Variants in HOXA3 observed in about 807,000 individuals in gnomAD.
HOXA3 encodes the protein homeobox A3.
Under a neutral mutation model 30.3 loss-of-function variants are expected in HOXA3, and 8 were observed. The ratio of observed to expected loss-of-function variants is 0.26; its 90% CI spans 0.15 to 0.48. The LOEUF (loss-of-function observed/expected upper bound fraction) is 0.48, where lower values mean the gene tolerates loss of function less well. HOXA3 is among the 20% of genes least tolerant of loss of function. HOXA3 has a pLI of 0.99. For synonymous variants in HOXA3, 323 were observed against 273.1 expected (o/e 1.18, Z -1.80); for missense variants, 653 against 614.4 (o/e 1.06, Z -0.66).
rs1307976324 is a variant in HOXA3, at chr7:27,110,451, C to T, written c.190G>A (p.Ala64Thr). The change falls in exon 5 of 6, where the codon GCA becomes ACA. Residue 64 changes from alanine to threonine, a missense_variant. Around this residue, in one of 3 missense-constraint regions of HOXA3, gnomAD observed 320 missense variants for 321.9 expected, o/e 0.99. Coordinates refer to ENST00000612286, the MANE Select transcript of HOXA3 (RefSeq NM_153631.3). ...SPSSAGGHPK[A>T]HELSEACLRT... ...AGGCACGCCTCACTCAGTTCGTGTGCCTTGGGGTGGCCCCCGGCGCTGGAG... is the reference window on the plus strand; with the variant it reads ...AGGCACGCCTCACTCAGTTCGTGTGTCTTGGGGTGGCCCCCGGCGCTGGAG... The T allele has an allele frequency of 1.3e-6, 2 of 1,587,298 alleles. No homozygotes were observed. Among genetic ancestry groups the T allele is most frequent in the East Asian group, 2.3e-5 (1 of 43,938 alleles).
In HOXA3 at chr7:27,107,469, TTTGA is replaced by T. The variant is rs1784074278; in HGVS notation, c.*442_*445del. 6.5e-6 allele frequency: 1 copy of T among 153,286 alleles called. No individual in the cohort carries two copies. The highest frequency in any genetic ancestry group is 1.5e-5 in the Non-Finnish European group (1 of 68,902). 9.5% of individuals were successfully genotyped at this position (153,286 alleles called of 1,614,324 possible). On this transcript the variant is annotated 3_prime_UTR_variant, in exon 6 of 6. Coordinates refer to ENST00000612286, the MANE Select transcript of HOXA3 (RefSeq NM_153631.3). ...CAGAGAGCCCCTGTTTCAAAGCGCCTTTGATTTTTTTTCTCACTCTTTACAAGAA... is the reference window on the plus strand; with the variant it reads ...CAGAGAGCCCCTGTTTCAAAGCGCCTTTTTTTTTCTCACTCTTTACAAGAA...
chr7:27,147,336 AG>A, intron 1 of HOXA3: 1 of 1,613,886 alleles, frequency 6.2e-7, no homozygotes, highest in Middle Eastern at 1.7e-4. Context: ...GCTGCATCCA[AG>A]GGTAAACCGG....
At position 27,108,833 on chromosome 7, in the gene HOXA3, A is replaced by G; in HGVS notation, c.527-113T>C. The G allele has an allele frequency of 5.4e-6, 4 of 742,376 alleles. 1 individual carries two copies. The highest frequency in any genetic ancestry group is 3.6e-5 in the South Asian group (2 of 55,162). 46.0% of individuals were successfully genotyped at this position (742,376 alleles called of 1,614,324 possible). On this transcript the variant is annotated intron_variant, in intron 5 of 5. Coordinates refer to ENST00000612286, the MANE Select transcript of HOXA3 (RefSeq NM_153631.3). The surrounding 1 kb of genome is among the most constrained non-coding windows in gnomAD (Gnocchi z 5.0). ...GGCCCCAAAGGTTCCTGCATCCGTC[A>G]GGTCCCAGAGAGAAGTAGGAACTAG...
chr7:27,140,033 A>AGAGAGAGAGAGAGAGAGAGAG (rs1281735462), intron 2 of HOXA3, 50 bp downstream of exon 2: 49 of 118,858 alleles, frequency 4.1e-4, no homozygotes, highest in African/African-American at 9.4e-4. Flanking sequence ...GAGAGAGAGA[A>AGAGAGAGAGAGAGAGAGAGAG]AGTTTCCAAA....
Position 27,108,369 on chromosome 7 carries a change from G to T in HOXA3, c.878C>A (p.Ser293Ter). The T allele has an allele frequency of 3.2e-6, 5 of 1,562,564 alleles. No homozygotes were observed. Among genetic ancestry groups the T allele is most frequent in the South Asian group, 1.2e-5 (1 of 85,978 alleles). Residue 293 changes from serine (S) to a stop codon, truncating the protein, a stop_gained, in exon 6 of 6, where the codon TCG becomes TAG. Transcript: ENST00000612286. LOFTEE classifies it high-confidence loss of function. The surrounding 1 kb of genome is among the most constrained non-coding windows in gnomAD (Gnocchi z 5.0). ...GGGGGGCTTGGAGAAGGGCGGGGGCGACTGGGGCTCATACGGGACGCTGTT... is the reference window on the plus strand; with the variant it reads ...GGGGGGCTTGGAGAAGGGCGGGGGCTACTGGGGCTCATACGGGACGCTGTT... ...LVNSVPYEPQ[S>*]PPPFSKPPQG...
chr7:27,112,394 G>A (rs1184419662), intron 4 of HOXA3, among the ~76,000 whole-genome samples: 3 of 152,058 alleles, frequency 2.0e-5, no homozygotes, highest in Admixed American at 6.6e-5. Flanking sequence ...TGTTGATAAT[G>A]GACTCCTTTA....
chr7:27,145,283 GC>G, intron 1 of HOXA3: 1 of 238,532 alleles, frequency 4.2e-6, no homozygotes, highest in Non-Finnish European at 8.2e-6. Context: ...CTCCCCAGCA[GC>G]CCCGCGTCCC....
rs1168924275 is a variant in HOXA3 at position 27,152,278 on chromosome 7, C to T, written c.-494+10G>A. On this transcript the variant is annotated intron_variant, in intron 1 of 5. Transcript: ENST00000612286. The stretch of plus-strand genomic sequence containing the variant: ...CACCTTTGCTCCTATCTCCTCCCCA[C>T]ATGTCTCACCTTCAGACGGTGGCTC... 1 of 1,279,956 alleles carries T rather than the reference C, an allele frequency of 7.8e-7. No individual in the cohort carries two copies. Among genetic ancestry groups the T allele is most frequent in the African/African-American group, 1.5e-5 (1 of 65,290 alleles). 79.3% of individuals were successfully genotyped at this position (1,279,956 alleles called of 1,614,324 possible). A position where few individuals can be genotyped will look rare whatever the true frequency, so the allele number is the denominator to read the frequency against.
chr7:27,136,001 C>T (rs1385806418), intron 2 of HOXA3, among the ~76,000 whole-genome samples: 4 of 152,232 alleles, frequency 2.6e-5, no homozygotes, highest in Admixed American at 1.3e-4. Flanking sequence ...TAGGGTTCAC[C>T]TGGAGTCCAT....
intron 2 of HOXA3, among the ~76,000 whole-genome samples, chr7:27,136,624 C>T (rs1785722993): frequency 6.6e-6 from 1 of 152,190 alleles, no homozygotes; most frequent in African/African-American, 2.4e-5. Context: ...TCTGCATTTA[C>T]TTAACCCGGC....
Position 27,152,353 on chromosome 7 carries a change from A to C in HOXA3, c.-559T>G, listed in dbSNP as rs1037521594. On this transcript the variant is annotated 5_prime_UTR_variant, in exon 1 of 6. Transcript: ENST00000612286. ...GCTGTCGCTTGGGCAGCCCGAGAGA[A>C]GAATTGTCCTCTTTCCTGGTGCCAG... 9.7e-6 allele frequency: 12 copies of C among 1,231,384 alleles called. No individual in the cohort carries two copies. The highest frequency in any genetic ancestry group is 9.6e-5 in the African/African-American group (6 of 62,766). The allele number at this position is 1,231,384 out of a possible 1,614,324, so 76.3% of individuals were successfully genotyped here.
At chr7:27,124,817 A>C (rs1414675011) in intron 3 of HOXA3, among the ~76,000 whole-genome samples, 1 of 152,078 alleles carries the variant, frequency 6.6e-6, no homozygotes, top group African/African-American at 2.4e-5. Flanking sequence ...GGGCACATTC[A>C]TCCTTGCCCT....
intron 1 of HOXA3, chr7:27,151,334 T>A (rs1782965272): frequency 3.1e-6 from 1 of 324,712 alleles, no homozygotes; most frequent in African/African-American, 2.2e-5. Context: ...CAGCACGCTC[T>A]GCGCTTCCTC....
intron 4 of HOXA3, among the ~76,000 whole-genome samples, chr7:27,117,301 T>A (rs1784775808): frequency 6.6e-6 from 1 of 152,178 alleles, no homozygotes; most frequent in African/African-American, 2.4e-5. Flanking sequence ...TCTGGAACTC[T>A]CCAAGCCAGC....
In HOXA3 at chr7:27,146,772, G is replaced by A. The variant is rs539894179; in HGVS notation, c.-494+5516C>T. On this transcript the variant is annotated intron_variant, in intron 1 of 5. Coordinates refer to ENST00000612286, the MANE Select transcript of HOXA3 (RefSeq NM_153631.3). ...AAGAGTGGGCAGTTGAGTAGAAGCC[G>A]GGGGAGATGAGGGAGGAGAGAGAAA... Among the ~76,000 whole-genome samples, 41 of 152,264 alleles carry A rather than the reference G, an allele frequency of 2.7e-4. No homozygotes were observed. In the East Asian group the frequency reaches 4.8e-3, roughly 18 times the overall value.
chr7:27,115,561 GC>G (rs1443347688), intron 4 of HOXA3: 8 of 152,300 alleles, frequency 5.3e-5, no homozygotes, highest in African/African-American at 1.7e-4. Context: ...TGCCGGGAAG[GC>G]CAGCTCTCCG....
intron 4 of HOXA3, chr7:27,116,367 G>A (rs1474940615): frequency 1.3e-5 from 2 of 152,724 alleles, no homozygotes; most frequent in Non-Finnish European, 2.9e-5. Flanking sequence ...TGGGTAAGAA[G>A]AGGCACCAAA....
chr7:27,117,837 G>T (rs1193626135), intron 4 of HOXA3, among the ~76,000 whole-genome samples: 1 of 143,544 alleles, frequency 7.0e-6, no homozygotes, highest in African/African-American at 2.6e-5. Flanking sequence ...CCCTCTTTCC[G>T]CCTGGGGATC....
chr7:27,110,963 G>C (rs2128040639), intron 4 of HOXA3, among the ~76,000 whole-genome samples: 2 of 150,050 alleles, frequency 1.3e-5, no homozygotes, highest in East Asian at 3.9e-4. Flanking sequence ...CTTGCGTCTG[G>C]AGTTGGGGGA....
Sources: gnomAD v4.1 joint callset for allele counts (sites outside exome capture counted in the v4.1 genomes callset) on GRCh38, gnomAD v4.1.1 for gene constraint, gnomAD v4.1.1 regional missense constraint, Gnocchi (gnomAD v3.1) non-coding constraint, MANE v1.5 for transcripts, NCBI Gene and HGNC (gene_info 2026-07-23, HGNC 2026-07-21) for gene names.